Variants in DENND1A observed in about 807,000 individuals in gnomAD.
DENND1A encodes the protein DENN domain containing 1A.
DENND1A carries 51 observed loss-of-function variants against 113.7 expected under a neutral mutation model. That is an observed-to-expected ratio of 0.45 (90% CI 0.36 to 0.57). The LOEUF (loss-of-function observed/expected upper bound fraction) is 0.57. DENND1A is among the 20% of genes least tolerant of loss of function. The pLI is 0.00. For synonymous variants in DENND1A, 565 were observed against 570.8 expected (o/e 0.99, Z 0.14); for missense variants, 1,258 against 1,395.9 (o/e 0.90, Z 1.57).
chr9:123,420,572 G>A (rs531088175), intron 19 of DENND1A, among the ~76,000 whole-genome samples: 15 of 152,262 alleles, frequency 9.9e-5, no homozygotes, highest in South Asian at 4.1e-4. Context: ...GGCTGGGTCC[G>A]GGCACTCTCT....
chr9:123,924,648 CA>C (rs754322241), intron 1 of DENND1A, among the ~76,000 whole-genome samples: 325 of 105,094 alleles, frequency 3.1e-3, no homozygotes, highest in Non-Finnish European at 2.7e-3. Context: ...GAAACTGTCT[CA>C]AAAAAAAAAA....
chr9:123,641,601 A>G (rs2062030742), intron 9 of DENND1A, among the ~76,000 whole-genome samples: 1 of 152,182 alleles, frequency 6.6e-6, no homozygotes, highest in Non-Finnish European at 1.5e-5. Flanking sequence ...AAGCTCTCCC[A>G]AAGAGAATAT....
intron 2 of DENND1A, among the ~76,000 whole-genome samples, chr9:123,864,242 CA>C (rs941729520): frequency 1.3e-5 from 2 of 152,030 alleles, no homozygotes; most frequent in Non-Finnish European, 1.5e-5. Flanking sequence ...TGAGAAAATT[CA>C]ACCAAAAAAA....
chr9:123,494,434 G>A (rs1410260281), intron 13 of DENND1A, among the ~76,000 whole-genome samples: 1 of 152,148 alleles, frequency 6.6e-6, no homozygotes, highest in African/African-American at 2.4e-5. Context: ...AGACAACTGA[G>A]GCCAAATGAC....
At chr9:123,818,223 G>C (rs1280921825) in intron 2 of DENND1A, among the ~76,000 whole-genome samples, 2 of 151,364 alleles carry the variant, frequency 1.3e-5, no homozygotes, top group African/African-American at 4.8e-5. Context: ...TCCTGCCTCA[G>C]CCTCCCGAGT....
chr9:123,670,727 T>C (rs1205322591), intron 7 of DENND1A, among the ~76,000 whole-genome samples: 1 of 152,240 alleles, frequency 6.6e-6, no homozygotes, highest in African/African-American at 2.4e-5. Context: ...ATCATTCCAA[T>C]AGGGTGTAAC....
chr9:123,461,405 C>T (rs959238398), intron 13 of DENND1A, among the ~76,000 whole-genome samples: 1 of 152,210 alleles, frequency 6.6e-6, no homozygotes, highest in East Asian at 1.9e-4. Context: ...CTGCTTCCAG[C>T]CACAGGAGCC....
chr9:123,452,219 C>A, intron 17 of DENND1A, 57 bp downstream of exon 17: 1 of 1,473,616 alleles, frequency 6.8e-7, no homozygotes, highest in South Asian at 1.1e-5. Context: ...AATAAAGAGT[C>A]TCATCATGCT....
intron 13 of DENND1A, among the ~76,000 whole-genome samples, chr9:123,550,370 C>G (rs2056965172): frequency 6.6e-6 from 1 of 152,248 alleles, no homozygotes; most frequent in Non-Finnish European, 1.5e-5. Flanking sequence ...GAGAGGGCCA[C>G]ACAAGCTAGC....
At chr9:123,729,293 A>T (rs2067984169) in intron 5 of DENND1A, among the ~76,000 whole-genome samples, 2 of 152,222 alleles carry the variant, frequency 1.3e-5, no homozygotes, top group South Asian at 2.1e-4. Context: ...AATAAAGGGC[A>T]TTCAAATAGG....
intron 5 of DENND1A, among the ~76,000 whole-genome samples, chr9:123,740,437 C>T (rs535324515): frequency 2.6e-5 from 4 of 152,300 alleles, no homozygotes; most frequent in Admixed American, 1.3e-4. Context: ...GTCTGGGACA[C>T]TTTCAATTAC....
chr9:123,653,404 AC>A (rs1278913214), intron 8 of DENND1A, among the ~76,000 whole-genome samples: 1 of 152,206 alleles, frequency 6.6e-6, no homozygotes, highest in Admixed American at 6.5e-5. Context: ...GAGGTCAGCA[AC>A]TGGCAAAGTC....
chr9:123,790,826 C>T (rs891602334), intron 3 of DENND1A, among the ~76,000 whole-genome samples: 17 of 152,128 alleles, frequency 1.1e-4, no homozygotes, highest in Admixed American at 3.9e-4. Flanking sequence ...TCTCCTTAAA[C>T]GCACAAACTT....
intron 11 of DENND1A, among the ~76,000 whole-genome samples, 198 bp downstream of exon 11, chr9:123,609,238 G>C (rs916879445): frequency 1.3e-5 from 2 of 152,052 alleles, no homozygotes; most frequent in Non-Finnish European, 2.9e-5. Flanking sequence ...ACAGTCTCTC[G>C]GCAAAGTGGG....
At chr9:123,795,629 C>A (rs944610344) in intron 2 of DENND1A, among the ~76,000 whole-genome samples, 2 of 152,232 alleles carry the variant, frequency 1.3e-5, no homozygotes, top group East Asian at 3.9e-4. Context: ...TTTAAATGGT[C>A]TGGGAACATT....
intron 8 of DENND1A, among the ~76,000 whole-genome samples, chr9:123,663,615 G>A (rs1451333159): frequency 6.6e-6 from 1 of 151,866 alleles, no homozygotes; most frequent in East Asian, 1.9e-4. Flanking sequence ...AACACTGGAG[G>A]GAGAGTGGGA....
intron 2 of DENND1A, among the ~76,000 whole-genome samples, chr9:123,836,877 G>A (rs140121876): frequency 0.014 from 2,115 of 152,008 alleles, 42 homozygotes; most frequent in Non-Finnish European, 0.018. Flanking sequence ...AATATAAAAC[G>A]TTTTGGAATA....
chr9:123,635,045 G>A (rs940571130), intron 9 of DENND1A, among the ~76,000 whole-genome samples: 3 of 152,130 alleles, frequency 2.0e-5, no homozygotes, highest in Admixed American at 6.6e-5. Context: ...GGACATGAAC[G>A]GAGAGTGATC....
chr9:123,762,240 C>T (rs1278910356), intron 4 of DENND1A, among the ~76,000 whole-genome samples: 2 of 152,204 alleles, frequency 1.3e-5, no homozygotes, highest in Admixed American at 6.5e-5. Flanking sequence ...AGGGAGACCA[C>T]ATTTGAAGTT....
Sources: allele counts gnomAD v4.1 joint callset (sites outside exome capture counted in the v4.1 genomes callset), GRCh38; gene constraint gnomAD v4.1.1; transcripts MANE v1.5; gene names NCBI Gene and HGNC (gene_info 2026-07-23, HGNC 2026-07-21).